The following TSNARE1 variants were observed in gnomAD, a reference collection of about 807,000 sequenced individuals.
The protein encoded by TSNARE1 is t-SNARE domain-containing protein 1.
In TSNARE1, 49 loss-of-function variants were observed where a neutral mutation model predicts 62.0. That is an observed-to-expected ratio of 0.79 (90% CI 0.63 to 1.00). The LOEUF (loss-of-function observed/expected upper bound fraction) is 1.00, where lower values mean the gene tolerates loss of function less well. Ranked by LOEUF, TSNARE1 falls within the 50% of genes least tolerant of loss-of-function variation. TSNARE1 has a pLI of 0.00. For synonymous variants in TSNARE1, 328 were observed against 294.4 expected, an observed-to-expected ratio of 1.11 and a Z score of -1.17; for missense variants, 755 against 700.1, an observed-to-expected ratio of 1.08 and a Z score of -0.88.
chr8:142,402,931 TC>T (rs1225704532), intron 1 of TSNARE1, 172 bp downstream of exon 1: 2 of 36,782 alleles, frequency 5.4e-5, no homozygotes, highest in Non-Finnish European at 1.3e-4. Flanking sequence ...TCCCGCCCCC[TC>T]CCCTCCCCAC....
chr8:142,251,976 C>G (rs1190431547), intron 12 of TSNARE1, among the ~76,000 whole-genome samples: 1 of 140,036 alleles, frequency 7.1e-6, no homozygotes, highest in Non-Finnish European at 1.5e-5. Context: ...TCTTCAGGGC[C>G]CGGGCACCAT....
chr8:142,290,919 G>T (rs1434608757), intron 10 of TSNARE1, among the ~76,000 whole-genome samples: 1 of 152,222 alleles, frequency 6.6e-6, no homozygotes, highest in African/African-American at 2.4e-5. Context: ...GATGGGCTTG[G>T]CGAGGGAAGC....
intron 1 of TSNARE1, among the ~76,000 whole-genome samples, chr8:142,381,601 T>A (rs998774015): frequency 1.3e-5 from 2 of 152,018 alleles, no homozygotes. Flanking sequence ...CGCCCAGCAG[T>A]GCTGAGGGGT....
At position 142,319,310 on chromosome 8, in the gene TSNARE1, C is replaced by A. The variant is rs566674636; in HGVS notation, c.894-676G>T. On this transcript the variant is annotated intron_variant, in intron 6 of 13. Transcript: ENST00000524325. This position sits in a 1 kb window ranked among gnomAD's most constrained non-coding sequence, Gnocchi z 4.9. ...CCAGGGAGGCCAGCAGTCCCCACCCCCCTGCACACCTCTGAGGGGTGCACA... is the reference window on the plus strand; with the variant it reads ...CCAGGGAGGCCAGCAGTCCCCACCCACCTGCACACCTCTGAGGGGTGCACA... Among the ~76,000 whole-genome samples, 3 of 152,014 alleles carry A rather than the reference C, an allele frequency of 2.0e-5. No homozygotes were observed. Among genetic ancestry groups the A allele is most frequent in the African/African-American group, 7.2e-5 (3 of 41,410 alleles).
At chr8:142,226,980 CAAGGCCCCCCACTGCACCCACA>C (rs1816817930) in intron 13 of TSNARE1, among the ~76,000 whole-genome samples, 1 of 129,792 alleles carries the variant, frequency 7.7e-6, no homozygotes, top group African/African-American at 3.6e-5. Context: ...GCAGTGACAG[CAAGGCCCCCCACTGCACCCACA>C]CAGCAGTGAC....
intron 10 of TSNARE1, among the ~76,000 whole-genome samples, chr8:142,296,808 C>A (rs1824835306): frequency 6.6e-6 from 1 of 151,702 alleles, no homozygotes. Flanking sequence ...TCCCCACAGG[C>A]TCCCCAGGAC....
intron 11 of TSNARE1, chr8:142,280,119 C>A: frequency 8.8e-7 from 1 of 1,130,226 alleles, no homozygotes; most frequent in South Asian, 1.8e-5. Flanking sequence ...CCCGCAGCGC[C>A]CCGAACAGCA....
chr8:142,213,744 T>C (rs1277970993), intron 13 of TSNARE1, among the ~76,000 whole-genome samples: 1 of 152,182 alleles, frequency 6.6e-6, no homozygotes, highest in Admixed American at 6.5e-5. Flanking sequence ...AGGGTGAGGC[T>C]GTGGGCCTGG....
At chr8:142,262,150 G>C (rs992545858) in intron 12 of TSNARE1, among the ~76,000 whole-genome samples, 3 of 152,154 alleles carry the variant, frequency 2.0e-5, no homozygotes, top group African/African-American at 7.2e-5. Context: ...TCTCTACCTC[G>C]TCCTTCTTCT....
intron 11 of TSNARE1, chr8:142,278,431 G>T (rs765605037): frequency 1.2e-5 from 12 of 985,338 alleles, no homozygotes; most frequent in Middle Eastern, 1.0e-3. Flanking sequence ...TCCTGCTTCC[G>T]GGGCTTCGTT....
chr8:142,234,858 T>C (rs1278137926), intron 12 of TSNARE1, among the ~76,000 whole-genome samples: 3 of 151,256 alleles, frequency 2.0e-5, no homozygotes, highest in Non-Finnish European at 2.9e-5. Flanking sequence ...AGTCCCCTCG[T>C]CCCCCCACAA....
At chr8:142,364,521 GCA>G (rs1326038726) in intron 1 of TSNARE1, among the ~76,000 whole-genome samples, 5 of 152,120 alleles carry the variant, frequency 3.3e-5, no homozygotes, top group Non-Finnish European at 5.9e-5. Context: ...GGCACACCCA[GCA>G]CAGAGCTCTT....
intron 1 of TSNARE1, among the ~76,000 whole-genome samples, chr8:142,372,694 A>C: frequency 6.6e-6 from 1 of 152,182 alleles, no homozygotes; most frequent in East Asian, 1.9e-4. Flanking sequence ...CATACGCAGA[A>C]GGACCCGGAA....
intron 11 of TSNARE1, among the ~76,000 whole-genome samples, chr8:142,282,215 A>AC (rs893046392): frequency 4.0e-5 from 6 of 151,224 alleles, no homozygotes; most frequent in Non-Finnish European, 7.4e-5. Context: ...CTCTCCCTAC[A>AC]CCCCCCCAGC....
At chr8:142,326,567 GC>G (rs1363774207) in intron 6 of TSNARE1, among the ~76,000 whole-genome samples, 2 of 146,122 alleles carry the variant, frequency 1.4e-5, no homozygotes, top group Non-Finnish European at 3.0e-5. Context: ...GAAGGGGAGG[GC>G]CCCGGAGAGC....
At chr8:142,389,223 T>C (rs1005504519) in intron 1 of TSNARE1, among the ~76,000 whole-genome samples, 3 of 152,154 alleles carry the variant, frequency 2.0e-5, no homozygotes, top group Admixed American at 6.5e-5. Context: ...AGTGGACACA[T>C]CTCACACCAT....
chr8:142,368,901 G>A (rs1835741014), intron 1 of TSNARE1, among the ~76,000 whole-genome samples: 1 of 152,218 alleles, frequency 6.6e-6, no homozygotes, highest in Non-Finnish European at 1.5e-5. Flanking sequence ...AAAAGGGGCA[G>A]AGCACCTTCC....
At chr8:142,288,177 G>T (rs541602853) in intron 10 of TSNARE1, among the ~76,000 whole-genome samples, 1 of 152,346 alleles carries the variant, frequency 6.6e-6, no homozygotes, top group South Asian at 2.1e-4. Flanking sequence ...GCAAGGCCGG[G>T]TCCAGTGCCT....
At chr8:142,282,982 A>AAGGCGGGGTCAGTGTCTGCCAATGAGCAG (rs1313167234) in intron 11 of TSNARE1, among the ~76,000 whole-genome samples, 2 of 105,470 alleles carry the variant, frequency 1.9e-5, no homozygotes, top group African/African-American at 3.8e-5. Context: ...TCTAAGGGCA[A>AAGGCGGGGTCAGTGTCTGCCAATGAGCAG]AGGCGGGGTC....
Sources: allele counts gnomAD v4.1 joint callset (sites outside exome capture counted in the v4.1 genomes callset), GRCh38; gene constraint gnomAD v4.1.1; non-coding constraint Gnocchi (gnomAD v3.1); transcripts MANE v1.5; gene names NCBI Gene and HGNC (gene_info 2026-07-23, HGNC 2026-07-21).